Variants in NEK2 observed in about 807,000 individuals in gnomAD.
NEK2 encodes the protein NIMA related kinase 2, also known as serine/threonine-protein kinase Nek2.
In NEK2, 28 loss-of-function variants were observed where a neutral mutation model predicts 54.1. The ratio of observed to expected loss-of-function variants is 0.52; its 90% confidence interval spans 0.38 to 0.71. The LOEUF is 0.71. NEK2 is among the 30% of genes least tolerant of loss of function. The probability of loss-of-function intolerance (pLI) is 0.00; values close to 1 mark genes in which losing one functional copy is unlikely to be tolerated. For missense variants in NEK2, 407 were observed against 531.5 expected (o/e 0.77, Z 2.30); for synonymous variants, 176 against 193.1 (o/e 0.91, Z 0.73).
downstream of NEK2, chr1:211,661,338 C>T: frequency 2.2e-6 from 1 of 445,564 alleles, no homozygotes; most frequent in Non-Finnish European, 4.2e-6. Context: ...ATCTCCTGGC[C>T]TATCTACTCA....
At chr1:211,666,981 G>A in intron 7 of NEK2, 125 bp downstream of exon 7, 3 of 1,515,506 alleles carry the variant, frequency 2.0e-6, no homozygotes, top group Admixed American at 2.6e-5. Flanking sequence ...TATATTCAAT[G>A]AAATCCATCT....
chr1:211,669,293 G>C lies in NEK2; in HGVS notation c.805C>G (p.Pro269Ala), dbSNP rs149647934. Residue 269 changes from proline (P) to alanine (A), a missense_variant, in exon 6 of 8, where the codon CCT becomes GCT. Physicochemically the swap from Pro to Ala is conservative, Grantham distance 27. Transcript: ENST00000366999. ...RPSVEEILEN[P>A]LIADLVADEQ... ...TCTGCAACCAAATCTGCTATTAAAG[G>C]GTTCTCAAGAATTTCTTCAACAGAA... 3.7e-6 allele frequency: 6 copies of C among 1,614,010 alleles called. No homozygotes were observed. Among genetic ancestry groups the C allele is most frequent in the South Asian group, 2.2e-5 (2 of 91,090 alleles).
rs531602609 is a variant in NEK2 at position 211,666,528 on chromosome 1, C to T, written c.1111+578G>A. ...TTTAAAAATAAGTATCGGCTGGGCACGGTGTCTCATGCCTGTAATCCCAGC... is the reference window on the plus strand; with the variant it reads ...TTTAAAAATAAGTATCGGCTGGGCATGGTGTCTCATGCCTGTAATCCCAGC... On this transcript the variant is annotated intron_variant, in intron 7 of 7. Coordinates refer to ENST00000366999, the MANE Select transcript of NEK2 (RefSeq NM_002497.4). 7.2e-5 allele frequency: 70 copies of T among 971,088 alleles called. 1 individual carries two copies. In the South Asian group the frequency reaches 1.9e-3, roughly 26 times the overall value. 60.2% of individuals were successfully genotyped at this position (971,088 alleles called of 1,614,324 possible).
intron 6 of NEK2, among the ~76,000 whole-genome samples, chr1:211,668,069 T>G (rs1226518853): frequency 6.6e-6 from 1 of 151,974 alleles, no homozygotes; most frequent in Non-Finnish European, 1.5e-5. Flanking sequence ...GAAAAGAAAT[T>G]ATGAAACACT....
chr1:211,674,494 A>C lies in NEK2; in HGVS notation c.116T>G (p.Leu39Arg), dbSNP rs1315213752. 6.2e-7 allele frequency: 1 copy of C among 1,611,142 alleles called. No individual in the cohort carries two copies. The highest frequency in any genetic ancestry group is 8.5e-7 in the Non-Finnish European group (1 of 1,178,040). ...AGCTTCTGTCATGGAGCCATAGTCAAGTTCTTTCCAAACTAATATCTGAAA... is the reference window on the plus strand; with the variant it reads ...AGCTTCTGTCATGGAGCCATAGTCACGTTCTTTCCAAACTAATATCTGAAA... ...SDGKILVWKE[L>R]DYGSMTEAEK... Residue 39 changes from leucine (L) to arginine (R), a missense_variant, in exon 2 of 8, where the codon CTT becomes CGT. Physicochemically the swap from Leu to Arg is moderately radical, Grantham distance 102 (BLOSUM62 -2). Transcript: ENST00000366999.
downstream of NEK2, chr1:211,660,227 G>A (rs1654984270): frequency 3.0e-6 from 1 of 330,408 alleles, no homozygotes; most frequent in Non-Finnish European, 6.1e-6. Flanking sequence ...GCCAGCCCCA[G>A]AAAGATGGCT....
intron 6 of NEK2, 111 bp downstream of exon 6, chr1:211,669,002 G>A: frequency 9.6e-7 from 1 of 1,041,320 alleles, no homozygotes; most frequent in Non-Finnish European, 1.4e-6. Context: ...TTTTTCAAAA[G>A]CTTCTAATAA....
In NEK2 at chr1:211,674,442, C is replaced by T. The variant is rs763619974; in HGVS notation, c.168G>A (p.Val56=). ...GATGTTTCAGTTCACGAAGCAAATT[C>T]ACTTCAGAAACAAGCATCTGTTTCT... ...EAEKQMLVSE[V]NLLRELKHPN... Residue 56 remains valine (V), a synonymous_variant, in exon 2 of 8, where the codon GTG becomes GTA. Transcript: ENST00000366999. 2 of 1,614,142 alleles carry T rather than the reference C, an allele frequency of 1.2e-6. No individual in the cohort carries two copies. Among genetic ancestry groups the T allele is most frequent in the Non-Finnish European group, 1.7e-6 (2 of 1,180,014 alleles).
intron 2 of NEK2, 21 bp downstream of exon 2, chr1:211,674,274 AT>A (rs756802478): frequency 6.3e-7 from 1 of 1,583,350 alleles, no homozygotes; most frequent in Non-Finnish European, 8.6e-7. Flanking sequence ...TTCAGCTTAC[AT>A]TTTTAAAAGA....
At chr1:211,663,678 T>G (rs1410794829) in intron 7 of NEK2, 26 bp from the exon 8 acceptor site, 1 of 1,604,244 alleles carries the variant, frequency 6.2e-7, no homozygotes, top group Admixed American at 1.7e-5. Context: ...GAAAAAGGGC[T>G]CTGAGTTACT....
chr1:211,674,869 TG>T (rs1329637793), intron 1 of NEK2, among the ~76,000 whole-genome samples: 2 of 152,214 alleles, frequency 1.3e-5, no homozygotes, highest in Non-Finnish European at 2.9e-5. Flanking sequence ...TTTCCCAGGA[TG>T]AGACACCTTG....
chr1:211,658,979 A>G (rs1654951816), downstream of NEK2, among the ~76,000 whole-genome samples: 1 of 152,198 alleles, frequency 6.6e-6, no homozygotes, highest in African/African-American at 2.4e-5. Flanking sequence ...GATGTACAAA[A>G]AGGACACCTC....
Position 211,670,290 on chromosome 1 carries a change from T to G in NEK2, c.756A>C (p.Leu252Phe), listed in dbSNP as rs771466348. ...ATCTTATCATCTTTACCTTTAAGTT[T>G]AACATCCTCGTAATAATTTCATTCA... ...DELNEIITRM[L>F]NLKDYHRPSV... The change falls in exon 5 of 8, where the codon TTA becomes TTC. Residue 252 changes from leucine to phenylalanine, a missense_variant. Leu to Phe is a conservative substitution (Grantham distance 22). Transcript: ENST00000366999. 4 of 1,609,938 alleles carry G rather than the reference T, an allele frequency of 2.5e-6. No individual in the cohort carries two copies. Among genetic ancestry groups the G allele is most frequent in the East Asian group, 2.2e-5 (1 of 44,852 alleles).
In NEK2 at chr1:211,673,526, C is replaced by T. The variant is rs776741757; in HGVS notation, c.512G>A (p.Ser171Asn). 4 of 1,613,876 alleles carry T rather than the reference C, an allele frequency of 2.5e-6. No individual in the cohort carries two copies. The highest frequency in any genetic ancestry group is 1.7e-5 in the Admixed American group (1 of 59,976). ...TGTGCCAACAAATGTTTTTGCAAAA[C>T]TCGTGTCATGGTTTAATATTCTAGC... ...GLARILNHDTSFAKTFVGTPY... is the reference protein window; with the variant it reads ...GLARILNHDTNFAKTFVGTPY... Residue 171 changes from serine to asparagine, a missense_variant, in exon 3 of 8, where the codon AGT becomes AAT. By Grantham distance (46) the Ser-to-Asn change is conservative. Transcript: ENST00000366999.
rs762559470 is a variant in NEK2, at chr1:211,670,323, A to T, written c.723T>A (p.Ser241=). ...TCGTAATAATTTCATTCAATTCATC[A>T]GAGTAACGGTATGGAATTCGCCTGA... The part of the protein sequence containing the change: ...GKFRRIPYRY[S]DELNEIITRM... The change falls in exon 5 of 8, where the codon TCT becomes TCA. Residue 241 remains serine (S), a synonymous_variant. Coordinates refer to ENST00000366999, the MANE Select transcript of NEK2 (RefSeq NM_002497.4). The T allele has an allele frequency of 6.2e-7, 1 of 1,612,108 alleles. No individual in the cohort carries two copies. The highest frequency in any genetic ancestry group is 8.5e-7 in the Non-Finnish European group (1 of 1,178,846).
rs947986998 is a variant in NEK2 at position 211,675,533 on chromosome 1, C to G, written c.-54G>C. ...CTCACGCAGGTTGCGCCGCCAAGTG[C>G]GGAGCTCCAGGGACCAGGAACTCCA... On this transcript the variant is annotated 5_prime_UTR_variant, in exon 1 of 8. Transcript: ENST00000366999. 6.7e-7 allele frequency: 1 copy of G among 1,502,940 alleles called. No homozygotes were observed. The highest frequency in any genetic ancestry group is 1.4e-5 in the African/African-American group (1 of 72,964). The allele number at this position is 1,502,940 out of a possible 1,614,324, so 93.1% of individuals were successfully genotyped here. A position where few individuals can be genotyped will look rare whatever the true frequency, so the allele number is the denominator to read the frequency against.
At chr1:211,660,366 C>A, downstream of NEK2, 2 of 591,882 alleles carry the variant, frequency 3.4e-6, no homozygotes, top group South Asian at 3.1e-5. Flanking sequence ...CCTGGACCAC[C>A]TTCTTGGCCT....
intron 3 of NEK2, 100 bp downstream of exon 3, chr1:211,673,383 C>A: frequency 1.4e-6 from 2 of 1,469,058 alleles, no homozygotes; most frequent in Non-Finnish European, 9.3e-7. Flanking sequence ...CACTGCACTC[C>A]AGCCTGGGCA....
chr1:211,663,402 A>G lies in NEK2; in HGVS notation c.*24T>C. ...AGGTTGGTAATATTACATCCTGTAC[A>G]CAGCTCTGTGTCTCTCTACCTGGCT... is the stretch of plus-strand genomic sequence containing the variant. On this transcript the variant is annotated 3_prime_UTR_variant, in exon 8 of 8. Transcript: ENST00000366999. The G allele has an allele frequency of 6.3e-7, 1 of 1,596,700 alleles. No individual in the cohort carries two copies. The highest frequency in any genetic ancestry group is 8.6e-7 in the Non-Finnish European group (1 of 1,169,478).
Sources: allele counts gnomAD v4.1 joint callset (sites outside exome capture counted in the v4.1 genomes callset), GRCh38; gene constraint gnomAD v4.1.1; transcripts MANE v1.5; gene names NCBI Gene and HGNC (gene_info 2026-07-23, HGNC 2026-07-21).